Variants in JAKMIP2 observed in about 807,000 individuals in gnomAD.
The protein encoded by JAKMIP2 is janus kinase and microtubule interacting protein 2.
In JAKMIP2, 25 loss-of-function variants were observed where a neutral mutation model predicts 115.0. That is an observed-to-expected ratio of 0.22 (90% confidence interval 0.16 to 0.30). The LOEUF is 0.30. Ranked by LOEUF, JAKMIP2 falls within the 10% of genes least tolerant of loss-of-function variation. The pLI is 1.00. For missense variants in JAKMIP2, 642 were observed against 957.6 expected, an observed-to-expected ratio of 0.67 and a Z score of 4.35; for synonymous variants, 334 against 343.6, an observed-to-expected ratio of 0.97 and a Z score of 0.31.
At position 147,650,355 on chromosome 5, in the gene JAKMIP2, C is replaced by G. The variant is rs756609174; in HGVS notation, c.820G>C (p.Glu274Gln). ...EIPGRAGDGS[E>Q]HCSSPDLRRN... ...GGACTTACAGGACTGCTGCAGTGTTCGGAACCATCACCTGCCCTTCCTGGA... is the reference window on the plus strand; with the variant it reads ...GGACTTACAGGACTGCTGCAGTGTTGGGAACCATCACCTGCCCTTCCTGGA... The change falls in exon 4 of 22, where the codon GAA becomes CAA. Residue 274 changes from glutamate (E) to glutamine (Q), a missense_variant. This residue lies in a region of JAKMIP2 where 439 missense variants were observed against 570.9 expected (regional missense o/e 0.77). Coordinates refer to ENST00000616793, the MANE Select transcript of JAKMIP2 (RefSeq NM_001270941.2). 1 of 1,610,010 alleles carries G rather than the reference C, an allele frequency of 6.2e-7. No homozygotes were observed. Among genetic ancestry groups the G allele is most frequent in the Non-Finnish European group, 8.5e-7 (1 of 1,176,296 alleles).
chr5:147,641,801 G>C (rs754956638), intron 7 of JAKMIP2, 37 bp from the exon 8 acceptor site: 81 of 1,531,808 alleles, frequency 5.3e-5, no homozygotes, highest in Admixed American at 1.3e-4. Flanking sequence ...ATCCAGAATT[G>C]GTAGATGTTT....
At chr5:147,656,704 A>G (rs1758693618) in intron 3 of JAKMIP2, among the ~76,000 whole-genome samples, 4 of 152,162 alleles carry the variant, frequency 2.6e-5, no homozygotes, top group Admixed American at 2.6e-4. Flanking sequence ...TAATATTGTT[A>G]TATGTGAATT....
At chr5:147,750,355 G>C (rs1754503035) in intron 1 of JAKMIP2, among the ~76,000 whole-genome samples, 1 of 152,092 alleles carries the variant, frequency 6.6e-6, no homozygotes, top group Non-Finnish European at 1.5e-5. Context: ...GTTAAGATGT[G>C]TGATAAAGGC....
chr5:147,657,069 G>T (rs942231080), intron 3 of JAKMIP2, among the ~76,000 whole-genome samples: 1 of 152,148 alleles, frequency 6.6e-6, no homozygotes, highest in African/African-American at 2.4e-5. Context: ...CACAAGGTCA[G>T]GAGATCGAGA....
At chr5:147,716,124 T>G (rs1240694022) in intron 1 of JAKMIP2, among the ~76,000 whole-genome samples, 1 of 147,512 alleles carries the variant, frequency 6.8e-6, no homozygotes, top group Non-Finnish European at 1.5e-5. Flanking sequence ...GATAGTTTAC[T>G]GAGAATGATG....
At chr5:147,699,445 A>G (rs1359831708) in intron 1 of JAKMIP2, among the ~76,000 whole-genome samples, 1 of 152,216 alleles carries the variant, frequency 6.6e-6, no homozygotes, top group Non-Finnish European at 1.5e-5. Context: ...GGTGAAAAAA[A>G]AACAATTAGA....
chr5:147,756,783 A>G (rs992081424), intron 1 of JAKMIP2, among the ~76,000 whole-genome samples: 2 of 152,140 alleles, frequency 1.3e-5, no homozygotes, highest in African/African-American at 4.8e-5. Flanking sequence ...TGCTGTTTCC[A>G]GATTTACCAT....
At chr5:147,654,212 T>C (rs578016274) in intron 3 of JAKMIP2, among the ~76,000 whole-genome samples, 2 of 147,490 alleles carry the variant, frequency 1.4e-5, no homozygotes, top group African/African-American at 5.3e-5. Flanking sequence ...TGGTTCCATA[T>C]GAAATTTAAA....
In JAKMIP2 at chr5:147,640,841, A is replaced by G. The variant is rs1757847214; in HGVS notation, c.1282-18T>C. 1 of 1,608,428 alleles carries G rather than the reference A, an allele frequency of 6.2e-7. No homozygotes were observed. The highest frequency in any genetic ancestry group is 8.5e-7 in the Non-Finnish European group (1 of 1,178,114). On this transcript the variant is annotated intron_variant, in intron 8 of 21. Transcript: ENST00000616793. ...ACAGGCCTCTAAATGGAGGGAAAGT[A>G]CCTATTTACTGACATAGCTAACAGT... is the stretch of plus-strand genomic sequence containing the variant.
At chr5:147,670,973 G>A (rs1453820478) in intron 2 of JAKMIP2, among the ~76,000 whole-genome samples, 1 of 152,166 alleles carries the variant, frequency 6.6e-6, no homozygotes. Flanking sequence ...ATAGGCTATG[G>A]GGAGTACCTG....
intron 12 of JAKMIP2, among the ~76,000 whole-genome samples, chr5:147,633,953 G>A (rs965128591): frequency 1.6e-4 from 24 of 152,132 alleles, no homozygotes; most frequent in Non-Finnish European, 2.9e-4. Context: ...GCCTCCCAAT[G>A]TGCTAGGATT....
At chr5:147,592,246 G>C (rs1028620101) in intron 21 of JAKMIP2, among the ~76,000 whole-genome samples, 2 of 152,126 alleles carry the variant, frequency 1.3e-5, no homozygotes, top group African/African-American at 4.8e-5. Flanking sequence ...GTTTCTGCAA[G>C]ATGTTATTTT....
rs576983396 is a variant in JAKMIP2, at chr5:147,622,476, G to C, written c.2064+1145C>G. Among the ~76,000 whole-genome samples the C allele has an allele frequency of 2.1e-4, 32 of 152,290 alleles. No individual in the cohort carries two copies. The South Asian group carries it at 6.6e-3, about 32-fold the overall frequency. On this transcript the variant is annotated intron_variant, in intron 17 of 21. Transcript: ENST00000616793. Reference sequence around the variant, plus strand: ...TCTGTTTCTAAGTTGGATTACTCTAGCACCTCACATGAGTGGATTCATATA... The same window carrying C: ...TCTGTTTCTAAGTTGGATTACTCTACCACCTCACATGAGTGGATTCATATA...
intron 1 of JAKMIP2, among the ~76,000 whole-genome samples, chr5:147,758,265 TA>T (rs1561579185): frequency 6.6e-6 from 1 of 152,116 alleles, no homozygotes; most frequent in South Asian, 2.1e-4. Context: ...ATGTTGCAAC[TA>T]AAAAATTTAA....
chr5:147,739,466 C>A (rs1359424331), intron 1 of JAKMIP2, among the ~76,000 whole-genome samples: 1 of 152,108 alleles, frequency 6.6e-6, no homozygotes, highest in African/African-American at 2.4e-5. Flanking sequence ...TCCCAGACAA[C>A]CAGCGGCGGA....
At position 147,645,523 on chromosome 5, in the gene JAKMIP2, A is replaced by AG. The variant is rs537904718; in HGVS notation, c.937-528dup. Among the ~76,000 whole-genome samples the AG allele has an allele frequency of 2.2e-3, 330 of 152,278 alleles. 2 individuals carry two copies. The highest frequency in any genetic ancestry group is 7.5e-3 in the African/African-American group (310 of 41,558). ...TGTTATTTTAAAAGAAATTTTATCGAGGGGAAAAAAACCACACGTAAGTTT... is the reference window on the plus strand; with the variant it reads ...TGTTATTTTAAAAGAAATTTTATCGAGGGGGAAAAAAACCACACGTAAGTTT... On this transcript the variant is annotated intron_variant, in intron 5 of 21. Coordinates refer to ENST00000616793, the MANE Select transcript of JAKMIP2 (RefSeq NM_001270941.2).
chr5:147,763,008 C>T (rs1185040916), intron 1 of JAKMIP2, among the ~76,000 whole-genome samples: 1 of 152,040 alleles, frequency 6.6e-6, no homozygotes, highest in African/African-American at 2.4e-5. Flanking sequence ...GAACAATATA[C>T]ATGTGGTGTA....
chr5:147,770,145 A>G (rs139208585), intron 1 of JAKMIP2, among the ~76,000 whole-genome samples: 171 of 152,152 alleles, frequency 1.1e-3, no homozygotes, highest in African/African-American at 3.9e-3. Context: ...TTTAACTTAG[A>G]CAAATCTTAC....
chr5:147,723,942 C>T (rs1379846516), intron 1 of JAKMIP2, among the ~76,000 whole-genome samples: 4 of 152,000 alleles, frequency 2.6e-5, no homozygotes, highest in Non-Finnish European at 4.4e-5. Context: ...TTTCACTGCC[C>T]GTGGGAAAGT....
Sources: allele counts gnomAD v4.1 joint callset (sites outside exome capture counted in the v4.1 genomes callset), GRCh38; gene constraint gnomAD v4.1.1; regional missense constraint gnomAD v4.1.1; transcripts MANE v1.5; gene names NCBI Gene and HGNC (gene_info 2026-07-23, HGNC 2026-07-21).